The following RNF135 variants were observed in gnomAD, a reference collection of about 807,000 sequenced individuals.
The protein encoded by RNF135 is E3 ubiquitin-protein ligase RNF135.
In RNF135, 46 loss-of-function variants were observed where a neutral mutation model predicts 41.9. The ratio of observed to expected loss-of-function variants is 1.10; its 90% CI spans 0.87 to 1.40. RNF135 has a LOEUF of 1.40. Among genes scored for constraint, RNF135 ranks in the 40% most tolerant of loss-of-function variants. The pLI is 0.00. For missense variants in RNF135, 539 were observed against 549.8 expected (o/e 0.98, Z 0.20); for synonymous variants, 238 against 223.8 (o/e 1.06, Z -0.57).
intron 1 of RNF135, chr17:30,973,090 C>T (rs1326292589): frequency 6.6e-6 from 1 of 152,146 alleles, no homozygotes; most frequent in African/African-American, 2.4e-5. Flanking sequence ...TGATTTTGAT[C>T]TGGATTTCCT....
At position 30,999,554 on chromosome 17, in the gene RNF135, T is replaced by C. The variant is rs952091209; in HGVS notation, c.*363T>C. On this transcript the variant is annotated 3_prime_UTR_variant, in exon 5 of 5. Transcript: ENST00000328381. ...CTCTAAGCCATTAGAATATCTTGCC[T>C]GATAAGAGTGTTTTTGTTTACCTGT... is the stretch of plus-strand genomic sequence containing the variant. The C allele has an allele frequency of 2.2e-5, 6 of 272,918 alleles. No individual in the cohort carries two copies. Among genetic ancestry groups the C allele is most frequent in the Admixed American group, 4.5e-5 (1 of 22,306 alleles). 16.9% of individuals were successfully genotyped at this position (272,918 alleles called of 1,614,324 possible).
At chr17:30,995,045 C>T (rs1011332318) in intron 3 of RNF135, among the ~76,000 whole-genome samples, 1 of 152,136 alleles carries the variant, frequency 6.6e-6, no homozygotes, top group African/African-American at 2.4e-5. Context: ...CTGCTTCAGC[C>T]TCCCCAGTAG....
chr17:30,983,503 G>A (rs540535314), intron 1 of RNF135, among the ~76,000 whole-genome samples: 8 of 150,872 alleles, frequency 5.3e-5, no homozygotes, highest in Non-Finnish European at 1.2e-4. Context: ...ATAGGTGCCT[G>A]CAACCACACC....
At chr17:30,986,234 A>G (rs1026842821) in intron 2 of RNF135, among the ~76,000 whole-genome samples, 1 of 150,018 alleles carries the variant, frequency 6.7e-6, no homozygotes, top group Non-Finnish European at 1.5e-5. Context: ...TTTTTGAGAC[A>G]GAGTCTTGCT....
intron 1 of RNF135, among the ~76,000 whole-genome samples, chr17:30,977,840 A>G (rs1228317880): frequency 6.6e-6 from 1 of 152,228 alleles, no homozygotes; most frequent in African/African-American, 2.4e-5. Flanking sequence ...AAGTGCTGGG[A>G]TTACAAGTAT....
At chr17:30,988,924 CTTTTTT>C (rs572603845) in intron 3 of RNF135, among the ~76,000 whole-genome samples, 1 of 99,932 alleles carries the variant, frequency 1.0e-5, no homozygotes, top group African/African-American at 4.1e-5. Flanking sequence ...TTCTTTCTTT[CTTTTTT>C]TTTTTTTTTT....
chr17:30,997,062 A>T (rs1242375355), intron 3 of RNF135, among the ~76,000 whole-genome samples, 180 bp from the exon 4 acceptor site: 1 of 152,214 alleles, frequency 6.6e-6, no homozygotes, highest in Non-Finnish European at 1.5e-5. Flanking sequence ...CAGTGAGAAC[A>T]TGGAGGTGCA....
intron 1 of RNF135, among the ~76,000 whole-genome samples, chr17:30,974,016 TC>T (rs1459782198): frequency 1.3e-5 from 2 of 152,172 alleles, no homozygotes; most frequent in South Asian, 4.1e-4. Flanking sequence ...CAAAGTTTCA[TC>T]TAGAGATGAA....
intron 2 of RNF135, among the ~76,000 whole-genome samples, chr17:30,985,396 G>A (rs759584571): frequency 5.3e-5 from 8 of 152,026 alleles, no homozygotes; most frequent in East Asian, 1.9e-4. Flanking sequence ...CACTTAATGC[G>A]TCCTAAACTG....
chr17:30,966,354 TTTTA>T (rs143848316), upstream of RNF135, among the ~76,000 whole-genome samples: 45 of 148,196 alleles, frequency 3.0e-4, no homozygotes, highest in South Asian at 1.0e-3. Flanking sequence ...TTTATTTTTA[TTTTA>T]TTTATTTATT....
At chr17:30,997,707 T>C (rs1908457766) in intron 4 of RNF135, among the ~76,000 whole-genome samples, 1 of 152,156 alleles carries the variant, frequency 6.6e-6, no homozygotes, top group Admixed American at 6.5e-5. Context: ...AGAGCATGGA[T>C]CCCAGAGCCA....
Position 30,999,392 on chromosome 17 carries a change from G to A in RNF135, c.*201G>A. 1.6e-6 allele frequency: 1 copy of A among 606,220 alleles called. No homozygotes were observed. The highest frequency in any genetic ancestry group is 1.9e-5 in the South Asian group (1 of 52,078). The allele number at this position is 606,220 out of a possible 1,614,324, so 37.6% of individuals were successfully genotyped here. Reference sequence around the variant, plus strand: ...GCCTCCCAAGGTGCTGGGATTACAGGTGTGAGCCACCACACCTGGCCAAGA... The same window carrying A: ...GCCTCCCAAGGTGCTGGGATTACAGATGTGAGCCACCACACCTGGCCAAGA... On this transcript the variant is annotated 3_prime_UTR_variant, in exon 5 of 5. Transcript: ENST00000328381.
intron 3 of RNF135, 125 bp from the exon 4 acceptor site, chr17:30,997,117 G>A: frequency 1.3e-6 from 1 of 753,938 alleles, no homozygotes; most frequent in East Asian, 2.8e-5. Flanking sequence ...ATCCAGTCCT[G>A]ACACTGAAAA....
intron 1 of RNF135, chr17:30,975,683 G>T: frequency 2.8e-6 from 4 of 1,415,424 alleles, no homozygotes; most frequent in Non-Finnish European, 4.0e-6. Context: ...CACCAGTGTC[G>T]GCCTGAGAAA....
Position 30,997,246 on chromosome 17 carries a change from ACTC to A in RNF135, c.687_689del (p.Leu230del), listed in dbSNP as rs755539653. 6.8e-6 allele frequency: 11 copies of A among 1,613,040 alleles called. No individual in the cohort carries two copies. Among genetic ancestry groups the A allele is most frequent in the Admixed American group, 1.7e-5 (1 of 59,956 alleles). On this transcript the variant is annotated inframe_deletion, in exon 4 of 5. Transcript: ENST00000328381. ...GTTAATTTTTTTGTTACTTAGGAGA[ACTC>A]CTGGAAGCCCCGTCTTCCTCCTCAT...
At position 30,971,204 on chromosome 17, in the gene RNF135, G is replaced by T. The variant is rs1353558383; in HGVS notation, c.131G>T (p.Cys44Phe). Reference sequence around the variant, plus strand: ...TGCGGCCACAGCTTCTGCCGCCACTGCCTGGAGGCCCTGTGGGGCGCCCGC... The same window carrying T: ...TGCGGCCACAGCTTCTGCCGCCACTTCCTGGAGGCCCTGTGGGGCGCCCGC... Reference protein sequence around the residue: ...LPCGHSFCRHCLEALWGARDA... With the variant: ...LPCGHSFCRHFLEALWGARDA... The change falls in exon 1 of 5, where the codon TGC (cysteine) becomes TTC (phenylalanine). Residue 44 changes from cysteine to phenylalanine, a missense_variant. Cys to Phe is a radical substitution (Grantham distance 205). Coordinates refer to ENST00000328381, the MANE Select transcript of RNF135 (RefSeq NM_032322.4). 2.6e-6 allele frequency: 4 copies of T among 1,522,658 alleles called. No homozygotes were observed. The highest frequency in any genetic ancestry group is 2.6e-6 in the Non-Finnish European group (3 of 1,141,750). 94.3% of individuals were successfully genotyped at this position (1,522,658 alleles called of 1,614,324 possible). A position where few individuals can be genotyped will look rare whatever the true frequency, so the allele number is the denominator to read the frequency against.
chr17:30,977,167 A>C (rs1019568502), intron 1 of RNF135, among the ~76,000 whole-genome samples: 1 of 152,154 alleles, frequency 6.6e-6, no homozygotes, highest in African/African-American at 2.4e-5. Context: ...CTATTGTTTT[A>C]AGCTGATAAC....
At chr17:30,960,068 A>G in the RNF135 span, among the ~76,000 whole-genome samples, 1 of 152,006 alleles carries the variant, frequency 6.6e-6, no homozygotes, top group Admixed American at 6.6e-5. Context: ...AACAGAACCA[A>G]TGATATACAT....
upstream of RNF135, among the ~76,000 whole-genome samples, chr17:30,968,105 A>G (rs1046947400): frequency 2.6e-4 from 40 of 151,780 alleles, no homozygotes; most frequent in African/African-American, 9.4e-4. Context: ...CCCTGTCAAC[A>G]TGGGGAAACC....
Sources: allele counts gnomAD v4.1 joint callset (sites outside exome capture counted in the v4.1 genomes callset), GRCh38; gene constraint gnomAD v4.1.1; transcripts MANE v1.5; gene names NCBI Gene and HGNC (gene_info 2026-07-23, HGNC 2026-07-21).